The following C10orf90 variants were observed in gnomAD, a reference collection of about 807,000 sequenced individuals.
C10orf90 encodes the protein (E2-independent) E3 ubiquitin-conjugating enzyme FATS.
In C10orf90, 56 loss-of-function variants were observed where a neutral mutation model predicts 62.5. The ratio of observed to expected loss-of-function variants is 0.90; its 90% CI spans 0.72 to 1.12. C10orf90 has a LOEUF of 1.12. C10orf90 is among the 50% of genes most tolerant of loss of function. The pLI, the probability that C10orf90 is intolerant of heterozygous loss-of-function variation, is 0.00. For missense variants in C10orf90, 970 were observed against 880.4 expected, an observed-to-expected ratio of 1.10 and a Z score of -1.29; for synonymous variants, 386 against 340.4, an observed-to-expected ratio of 1.13 and a Z score of -1.47.
At chr10:126,617,292 T>C (rs1304261143) in intron 2 of C10orf90, among the ~76,000 whole-genome samples, 1 of 152,134 alleles carries the variant, frequency 6.6e-6, no homozygotes, top group African/African-American at 2.4e-5. Flanking sequence ...CAGAGCTTGA[T>C]CTCCAGTTTT....
At chr10:126,503,793 C>T (rs562767877) in intron 4 of C10orf90, among the ~76,000 whole-genome samples, 164 bp downstream of exon 4, 162 of 152,330 alleles carry the variant, frequency 1.1e-3, no homozygotes, top group African/African-American at 3.8e-3. Context: ...TCCAATCAGA[C>T]ATCGATGCCG....
At chr10:126,610,794 T>A (rs1018515339) in intron 2 of C10orf90, among the ~76,000 whole-genome samples, 1 of 152,140 alleles carries the variant, frequency 6.6e-6, no homozygotes, top group African/African-American at 2.4e-5. Context: ...GAGTTAATAA[T>A]TGAAAAACAG....
chr10:126,536,040 C>T (rs528148011), intron 2 of C10orf90, among the ~76,000 whole-genome samples: 1 of 152,156 alleles, frequency 6.6e-6, no homozygotes. Flanking sequence ...TCAAAAGGGA[C>T]GTGGCTAAGA....
At chr10:126,589,644 A>G (rs1423116533) in intron 2 of C10orf90, among the ~76,000 whole-genome samples, 1 of 152,222 alleles carries the variant, frequency 6.6e-6, no homozygotes, top group Non-Finnish European at 1.5e-5. Flanking sequence ...TACTTTTCAG[A>G]CAAGCAAATG....
intron 4 of C10orf90, among the ~76,000 whole-genome samples, chr10:126,468,444 G>C (rs190561238): frequency 7.2e-5 from 11 of 152,314 alleles, no homozygotes; most frequent in South Asian, 2.1e-4. Context: ...CAGCAGGTTG[G>C]CTGGGCCATA....
chr10:126,452,434 C>G (rs574299632), intron 7 of C10orf90, among the ~76,000 whole-genome samples: 2 of 152,200 alleles, frequency 1.3e-5, no homozygotes, highest in African/African-American at 4.8e-5. Flanking sequence ...TATTAATAAA[C>G]TTTATGCTTG....
intron 7 of C10orf90, among the ~76,000 whole-genome samples, chr10:126,451,466 T>G (rs1324442463): frequency 6.6e-6 from 1 of 152,078 alleles, no homozygotes; most frequent in Non-Finnish European, 1.5e-5. Context: ...AAATGTAGTG[T>G]GTGTATATGT....
chr10:126,467,585 C>T lies in C10orf90; in HGVS notation c.1535-2599G>A, dbSNP rs554937362. Reference sequence around the variant, plus strand: ...ATCCCGGGCATTTCCATTCACTGGACGGGCGCTTAAAGCCCCCGTCCTGAG... The same window carrying T: ...ATCCCGGGCATTTCCATTCACTGGATGGGCGCTTAAAGCCCCCGTCCTGAG... On this transcript the variant is annotated intron_variant, in intron 4 of 9. Transcript: ENST00000488181. 7.9e-5 allele frequency among the ~76,000 whole-genome samples: 12 copies of T among 152,266 alleles called. No individual in the cohort carries two copies. The Middle Eastern group carries it at 0.01, about 129-fold the overall frequency.
chr10:126,654,756 C>A (rs1846359595), intron 1 of C10orf90, among the ~76,000 whole-genome samples: 1 of 152,172 alleles, frequency 6.6e-6, no homozygotes, highest in African/African-American at 2.4e-5. Context: ...CTAAACTAAT[C>A]ATTTCTAGGC....
chr10:126,606,020 A>G (rs1035148865), intron 2 of C10orf90, among the ~76,000 whole-genome samples: 1 of 152,218 alleles, frequency 6.6e-6, no homozygotes, highest in Non-Finnish European at 1.5e-5. Flanking sequence ...TCAAATTAGT[A>G]GCCTTGAAAT....
chr10:126,564,881 A>ATATT (rs1491550447), intron 2 of C10orf90, among the ~76,000 whole-genome samples: 23 of 1,476 alleles, frequency 0.016, 7 homozygotes, highest in Admixed American at 0.065. Flanking sequence ...TATAATATAT[A>ATATT]AAATATATTA....
At chr10:126,498,683 G>A (rs186536731) in intron 4 of C10orf90, among the ~76,000 whole-genome samples, 230 of 152,300 alleles carry the variant, frequency 1.5e-3, no homozygotes, top group African/African-American at 5.4e-3. Context: ...CCTCGGCGGC[G>A]ATCCACCCTA....
intron 4 of C10orf90, among the ~76,000 whole-genome samples, chr10:126,477,149 C>G (rs1462077465): frequency 9.1e-6 from 1 of 109,988 alleles, no homozygotes; most frequent in Non-Finnish European, 1.7e-5. Flanking sequence ...AGAAGGCAAA[C>G]TTGTGACATT....
rs1846724267 is a variant in C10orf90 at position 126,670,342 on chromosome 10, C to T, written c.139G>A (p.Val47Met). 2.2e-6 allele frequency: 1 copy of T among 456,710 alleles called. No homozygotes were observed. Among genetic ancestry groups the T allele is most frequent in the Non-Finnish European group, 4.4e-6 (1 of 226,954 alleles). The allele number at this position is 456,710 out of a possible 1,614,324, so 28.3% of individuals were successfully genotyped here. A position where few individuals can be genotyped will look rare whatever the true frequency, so the allele number is the denominator to read the frequency against. ...TGGGAGGGAAACCAGTTACTCTTCA[C>T]AAAATCCATGACCATCACATGGTTT... ...LKNHVMVMDFVKSNWFPSQRR... is the reference protein window; with the variant it reads ...LKNHVMVMDFMKSNWFPSQRR... The change falls in exon 1 of 10, where the codon GTG becomes ATG. Residue 47 changes from valine (V) to methionine (M), a missense_variant. Physicochemically the swap from Val to Met is conservative, Grantham distance 21. Coordinates refer to ENST00000488181, the MANE Select transcript of C10orf90 (RefSeq NM_001350921.2).
chr10:126,652,119 GT>G (rs1343136134), intron 1 of C10orf90, among the ~76,000 whole-genome samples: 2 of 152,186 alleles, frequency 1.3e-5, no homozygotes, highest in Non-Finnish European at 2.9e-5. Flanking sequence ...TGTCAGATCA[GT>G]TTATGGATCA....
intron 2 of C10orf90, among the ~76,000 whole-genome samples, chr10:126,608,323 G>A (rs1194894185): frequency 6.6e-6 from 1 of 151,996 alleles, no homozygotes; most frequent in Non-Finnish European, 1.5e-5. Context: ...TGTTGCCCAG[G>A]CTGGTCTCAA....
intron 1 of C10orf90, among the ~76,000 whole-genome samples, chr10:126,666,135 G>A (rs748961923): frequency 2.6e-5 from 4 of 152,168 alleles, no homozygotes; most frequent in Non-Finnish European, 4.4e-5. Flanking sequence ...GTAGTTCTTT[G>A]TTGCGGGGTT....
chr10:126,562,440 T>G (rs1403090227), intron 2 of C10orf90, among the ~76,000 whole-genome samples: 1 of 152,038 alleles, frequency 6.6e-6, no homozygotes, highest in Non-Finnish European at 1.5e-5. Context: ...ACAGAATCCC[T>G]CATTCCTGCA....
At chr10:126,648,637 A>G (rs1177790529) in intron 1 of C10orf90, among the ~76,000 whole-genome samples, 1 of 152,280 alleles carries the variant, frequency 6.6e-6, no homozygotes, top group Non-Finnish European at 1.5e-5. Flanking sequence ...AACATTGTAT[A>G]TGGGGCTGGA....
Sources: gnomAD v4.1 joint callset for allele counts (sites outside exome capture counted in the v4.1 genomes callset) on GRCh38, gnomAD v4.1.1 for gene constraint, MANE v1.5 for transcripts, NCBI Gene and HGNC (gene_info 2026-07-23, HGNC 2026-07-21) for gene names.